Variants in CASP9 observed in about 807,000 individuals in gnomAD.
The protein encoded by CASP9 is caspase 9.
CASP9 carries 29 observed loss-of-function variants against 43.5 expected under a neutral mutation model. The ratio of observed to expected loss-of-function variants is 0.67; its 90% CI spans 0.50 to 0.91. The LOEUF (loss-of-function observed/expected upper bound fraction) is 0.91, where lower values mean the gene tolerates loss of function less well. CASP9 is among the 40% of genes least tolerant of loss of function. The pLI, the probability that CASP9 is intolerant of heterozygous loss-of-function variation, is 0.00. For missense variants in CASP9, 575 were observed against 537.4 expected (o/e 1.07, Z -0.69); for synonymous variants, 206 against 211.9 (o/e 0.97, Z 0.24).
intron 8 of CASP9, 162 bp downstream of exon 8, chr1:15,493,730 A>G (rs1186456273): frequency 1.3e-6 from 2 of 1,511,726 alleles, no homozygotes; most frequent in Non-Finnish European, 1.8e-6. Flanking sequence ...TGCCTCTCAT[A>G]AAGAGACACA....
intron 6 of CASP9, 113 bp downstream of exon 6, chr1:15,504,498 C>T: frequency 1.8e-6 from 2 of 1,109,126 alleles, no homozygotes; most frequent in Non-Finnish European, 1.3e-6. Context: ...GTGGTACCCT[C>T]TGACTGCCTG....
intron 2 of CASP9, 85 bp from the exon 3 acceptor site, chr1:15,507,992 G>T: frequency 1.4e-6 from 2 of 1,410,544 alleles, no homozygotes; most frequent in Non-Finnish European, 1.0e-6. Flanking sequence ...AGCCCCCCAA[G>T]AACGGAGCAG....
In CASP9 at chr1:15,491,758, CA is replaced by C. The variant is rs951225453; in HGVS notation, c.*1184del. On this transcript the variant is annotated 3_prime_UTR_variant, in exon 9 of 9. Transcript: ENST00000333868. ...GGGCGACAGAGTGAGACCCTATCTC[CA>C]AAAAAAAAGGCCCAAAAAACAAGAA... The C allele has an allele frequency of 5.0e-4, 81 of 162,692 alleles. No homozygotes were observed. The highest frequency in any genetic ancestry group is 2.5e-3 in the South Asian group (17 of 6,674). The allele number at this position is 162,692 out of a possible 1,614,324, so 10.1% of individuals were successfully genotyped here.
intron 1 of CASP9, among the ~76,000 whole-genome samples, chr1:15,519,256 T>G (rs1322973837): frequency 6.6e-6 from 1 of 152,086 alleles, no homozygotes; most frequent in Non-Finnish European, 1.5e-5. Context: ...CTCAGCTCAC[T>G]GCAACCTCCA....
upstream of CASP9, chr1:15,524,657 G>A (rs934212690): frequency 9.9e-6 from 10 of 1,008,770 alleles, no homozygotes; most frequent in Admixed American, 3.8e-4. Context: ...CCCGCCCCAA[G>A]GATTCGCTCT....
chr1:15,518,826 T>C (rs980009488), intron 1 of CASP9, among the ~76,000 whole-genome samples: 1 of 152,088 alleles, frequency 6.6e-6, no homozygotes, highest in Admixed American at 6.6e-5. Context: ...AAGAAATTCA[T>C]CCTGAGACCT....
At position 15,519,461 on chromosome 1, in the gene CASP9, C is replaced by T. The variant is rs1001782100; in HGVS notation, c.133-1066G>A. Among the ~76,000 whole-genome samples, 8 of 152,274 alleles carry T rather than the reference C, an allele frequency of 5.3e-5. No individual in the cohort carries two copies. The East Asian group carries it at 1.2e-3, about 22-fold the overall frequency. On this transcript the variant is annotated intron_variant, in intron 1 of 8. Transcript: ENST00000333868. ...CCTCTCAAAGTGCTAGGATTACAGG[C>T]GTGAGCTACCATGCCCGGCCACCAA...
intron 1 of CASP9, among the ~76,000 whole-genome samples, chr1:15,523,331 AT>A (rs1710287494): frequency 6.6e-6 from 1 of 152,170 alleles, no homozygotes; most frequent in South Asian, 2.1e-4. Context: ...TCTTATTCCC[AT>A]TTCACAGCCC....
chr1:15,498,491 G>A (rs1709197017), intron 6 of CASP9, among the ~76,000 whole-genome samples: 1 of 145,186 alleles, frequency 6.9e-6, no homozygotes, highest in Admixed American at 7.2e-5. Flanking sequence ...TAAATTTTAT[G>A]TTATATGTAT....
upstream of CASP9, chr1:15,524,889 C>A: frequency 1.0e-5 from 4 of 400,740 alleles, no homozygotes; most frequent in Non-Finnish European, 1.3e-5. Context: ...CCATTCCGCG[C>A]CACCGCCCCG....
chr1:15,524,554 C>CA, upstream of CASP9: 1 of 473,678 alleles, frequency 2.1e-6, no homozygotes, highest in Non-Finnish European at 3.0e-6. Context: ...GTCCCCGCCC[C>CA]AGAACCCGCC....
chr1:15,504,013 A>C (rs1010102217), intron 6 of CASP9, among the ~76,000 whole-genome samples: 1 of 152,190 alleles, frequency 6.6e-6, no homozygotes, highest in African/African-American at 2.4e-5. Flanking sequence ...TAATACATTT[A>C]AAAAACAAAA....
At chr1:15,508,379 A>G (rs1709604897) in intron 2 of CASP9, among the ~76,000 whole-genome samples, 3 of 152,080 alleles carry the variant, frequency 2.0e-5, no homozygotes, top group African/African-American at 7.2e-5. Context: ...CCTTTTAACA[A>G]AATCCCCAAA....
At chr1:15,522,333 C>T (rs1710236065) in intron 1 of CASP9, among the ~76,000 whole-genome samples, 1 of 152,208 alleles carries the variant, frequency 6.6e-6, no homozygotes. Context: ...GTGGTTCCCA[C>T]AAGGTTCTTA....
chr1:15,519,666 G>A (rs1230216291), intron 1 of CASP9, among the ~76,000 whole-genome samples: 1 of 152,138 alleles, frequency 6.6e-6, no homozygotes. Flanking sequence ...GGGTCCATAG[G>A]ACATGGGCAC....
intron 5 of CASP9, among the ~76,000 whole-genome samples, chr1:15,505,011 C>G (rs1349736996): frequency 6.6e-6 from 1 of 152,192 alleles, no homozygotes; most frequent in East Asian, 1.9e-4. Context: ...GCTGCGGCCT[C>G]TAGACCAGTG....
intron 2 of CASP9, among the ~76,000 whole-genome samples, chr1:15,517,068 A>C (rs552796750): frequency 6.6e-6 from 1 of 152,328 alleles, no homozygotes; most frequent in Admixed American, 6.5e-5. Context: ...CATTACTATT[A>C]TGATTATTAA....
At chr1:15,514,185 G>A (rs561050070) in intron 2 of CASP9, among the ~76,000 whole-genome samples, 1 of 152,250 alleles carries the variant, frequency 6.6e-6, no homozygotes, top group African/African-American at 2.4e-5. Context: ...CCCACTAGAT[G>A]CCAGTAGCAC....
intron 1 of CASP9, among the ~76,000 whole-genome samples, chr1:15,520,930 G>A (rs950980184): frequency 1.3e-5 from 2 of 152,104 alleles, no homozygotes; most frequent in African/African-American, 2.4e-5. Flanking sequence ...GGCCAAGGTG[G>A]GCAGATCACG....
Sources: gnomAD v4.1 joint callset for allele counts (sites outside exome capture counted in the v4.1 genomes callset) on GRCh38, gnomAD v4.1.1 for gene constraint, MANE v1.5 for transcripts, NCBI Gene and HGNC (gene_info 2026-07-23, HGNC 2026-07-21) for gene names.